The following PPP6R2 variants were observed in gnomAD, a reference collection of about 807,000 sequenced individuals.
PPP6R2 encodes serine/threonine-protein phosphatase 6 regulatory subunit 2.
A neutral mutation model predicts 100.2 loss-of-function variants in PPP6R2; 62 were observed. The observed-to-expected ratio is 0.62, with a 90% confidence interval of 0.50 to 0.76. The LOEUF (loss-of-function observed/expected upper bound fraction) is 0.76, where lower values mean the gene tolerates loss of function less well. Among genes scored for constraint, PPP6R2 ranks in the 30% least tolerant of loss-of-function variants. The pLI is 0.00. For synonymous variants in PPP6R2, 525 were observed against 514.7 expected (o/e 1.02, Z -0.27); for missense variants, 1,142 against 1,276.3 (o/e 0.89, Z 1.60).
intron 2 of PPP6R2, among the ~76,000 whole-genome samples, chr22:50,384,517 T>C (rs1292975801): frequency 1.3e-5 from 2 of 152,132 alleles, no homozygotes; most frequent in Non-Finnish European, 2.9e-5. Context: ...ATCGCGCCAC[T>C]GCACTCCAGT....
At chr22:50,359,154 C>T (rs2047253996) in intron 1 of PPP6R2, among the ~76,000 whole-genome samples, 1 of 151,814 alleles carries the variant, frequency 6.6e-6, no homozygotes, top group Admixed American at 6.6e-5. Context: ...CACCAGCCAC[C>T]ACGCCCAGCT....
At position 50,419,332 on chromosome 22, in the gene PPP6R2, C is replaced by G. The variant is rs746254770; in HGVS notation, c.732-17C>G. 1.1e-4 allele frequency: 184 copies of G among 1,606,314 alleles called. No individual in the cohort carries two copies. Among genetic ancestry groups the G allele is most frequent in the East Asian group, 3.8e-4 (17 of 44,826 alleles). ...TGTCTGCTCTGCCAGGCAGTGACCT[C>G]TGTGTGTGTCCAGCAGGCAGGACTG... On this transcript the variant is annotated splice_polypyrimidine_tract_variant and intron_variant, in intron 7 of 23. Transcript: ENST00000612753.
chr22:50,338,036 T>TGG, the PPP6R2 span, among the ~76,000 whole-genome samples: 3 of 132,580 alleles, frequency 2.3e-5, no homozygotes, highest in South Asian at 2.5e-4. Context: ...TGTGGTGTGT[T>TGG]TGTGTATGTG....
intron 2 of PPP6R2, among the ~76,000 whole-genome samples, chr22:50,380,685 C>G (rs544900115): frequency 6.0e-5 from 9 of 149,864 alleles, no homozygotes; most frequent in Non-Finnish European, 1.2e-4. Flanking sequence ...AACCAGTTCT[C>G]TTGGGAACTA....
intron 9 of PPP6R2, among the ~76,000 whole-genome samples, 173 bp downstream of exon 9, chr22:50,422,553 C>T (rs1243585481): frequency 6.6e-6 from 1 of 152,214 alleles, no homozygotes. Flanking sequence ...TGCCAAAACA[C>T]ATTTTCAGGA....
chr22:50,414,709 C>G lies in PPP6R2; in HGVS notation c.552+20C>G, dbSNP rs748142899. 1.6e-5 allele frequency: 26 copies of G among 1,607,364 alleles called. No individual in the cohort carries two copies. Among genetic ancestry groups the G allele is most frequent in the African/African-American group, 5.3e-5 (4 of 74,794 alleles). Reference sequence around the variant, plus strand: ...CTGCACGTGAGTGCGGGAGTCCCCCCCCGTTCCCGAGGGCAGGGGTGCTGC... The same window carrying G: ...CTGCACGTGAGTGCGGGAGTCCCCCGCCGTTCCCGAGGGCAGGGGTGCTGC... On this transcript the variant is annotated intron_variant, in intron 5 of 23. Coordinates refer to ENST00000612753, the MANE Select transcript of PPP6R2 (RefSeq NM_001242898.2).
At chr22:50,379,697 T>C (rs1176927892) in intron 2 of PPP6R2, among the ~76,000 whole-genome samples, 2 of 152,036 alleles carry the variant, frequency 1.3e-5, no homozygotes, top group Non-Finnish European at 2.9e-5. Flanking sequence ...CTGGGCCACA[T>C]AGGGAGACCT....
chr22:50,337,164 TGTG>T, the PPP6R2 span, among the ~76,000 whole-genome samples: 36 of 146,730 alleles, frequency 2.5e-4, no homozygotes, highest in Non-Finnish European at 4.0e-4. Flanking sequence ...GTGTGTGCGA[TGTG>T]TGGTGTGTGT....
In PPP6R2 at chr22:50,414,623, T is replaced by A; in HGVS notation, c.486T>A (p.Leu162=). ...LVLKHIGTSA[L]MDLLLRLVSC... ...TGAAGCACATCGGCACCTCAGCGCT[T>A]ATGGACCTGCTGCTGCGCCTGGTCA... The change falls in exon 5 of 24, where the codon CTT becomes CTA. Residue 162 remains leucine (L), a synonymous_variant. Transcript: ENST00000612753. The A allele has an allele frequency of 2.5e-6, 4 of 1,613,750 alleles. No homozygotes were observed. The highest frequency in any genetic ancestry group is 3.4e-6 in the Non-Finnish European group (4 of 1,179,940).
chr22:50,395,148 C>G (rs528677482), intron 3 of PPP6R2, among the ~76,000 whole-genome samples: 1 of 152,250 alleles, frequency 6.6e-6, no homozygotes, highest in African/African-American at 2.4e-5. Context: ...CAGTATCTGA[C>G]CTACAGTCCT....
rs368268577 is a variant in PPP6R2, at chr22:50,436,503, C to T, written c.1602+51C>T. 6.0e-5 allele frequency: 91 copies of T among 1,522,282 alleles called. 1 individual carries two copies. The South Asian group carries it at 7.5e-4, about 13-fold the overall frequency. 94.3% of individuals were successfully genotyped at this position (1,522,282 alleles called of 1,614,324 possible). On this transcript the variant is annotated intron_variant, in intron 14 of 23. Coordinates refer to ENST00000612753, the MANE Select transcript of PPP6R2 (RefSeq NM_001242898.2). Reference sequence around the variant, plus strand: ...CGGTGCACGCACGGTGCTGGGACGCCGTCAGACGCTCCTGCCTTTGCCCTG... The same window carrying T: ...CGGTGCACGCACGGTGCTGGGACGCTGTCAGACGCTCCTGCCTTTGCCCTG...
intron 12 of PPP6R2, 74 bp from the exon 13 acceptor site, chr22:50,434,892 A>G (rs2063878582): frequency 1.5e-6 from 2 of 1,373,436 alleles, no homozygotes; most frequent in African/African-American, 2.9e-5. Flanking sequence ...GGCCTCTGCC[A>G]CTTGGCTCTC....
At chr22:50,376,909 C>T (rs1385686526) in intron 2 of PPP6R2, among the ~76,000 whole-genome samples, 2 of 152,026 alleles carry the variant, frequency 1.3e-5, no homozygotes, top group Non-Finnish European at 2.9e-5. Flanking sequence ...CGCCTGTAGT[C>T]CCAGCTACTC....
At chr22:50,437,101 G>T in intron 15 of PPP6R2, 33 bp downstream of exon 15, 1 of 1,528,328 alleles carries the variant, frequency 6.5e-7, no homozygotes, top group Non-Finnish European at 8.9e-7. Flanking sequence ...CACCCTGCCG[G>T]GCCCTTCCCG....
At chr22:50,367,194 A>G (rs2048938646) in intron 1 of PPP6R2, among the ~76,000 whole-genome samples, 3 of 151,966 alleles carry the variant, frequency 2.0e-5, no homozygotes, top group African/African-American at 7.2e-5. Flanking sequence ...ATGCCTGGAC[A>G]GGGGAGCGGG....
chr22:50,374,303 C>T (rs1032930804), intron 2 of PPP6R2, among the ~76,000 whole-genome samples: 3 of 152,088 alleles, frequency 2.0e-5, no homozygotes, highest in Non-Finnish European at 4.4e-5. Context: ...CCGCTGCCCT[C>T]CAGCCTGGGT....
chr22:50,351,029 T>TGG (rs2045027303), intron 1 of PPP6R2, among the ~76,000 whole-genome samples: 1 of 101,592 alleles, frequency 9.8e-6, no homozygotes, highest in Admixed American at 1.1e-4. Context: ...CAACAGTGTT[T>TGG]TTTTTTTTTT....
chr22:50,357,412 CTTCTT>C (rs1478859284), intron 1 of PPP6R2, among the ~76,000 whole-genome samples: 1 of 151,636 alleles, frequency 6.6e-6, no homozygotes, highest in Non-Finnish European at 1.5e-5. Flanking sequence ...CTCCATCCCT[CTTCTT>C]TCTTTTCTTT....
chr22:50,338,869 T>A (rs1175633807), upstream of PPP6R2, among the ~76,000 whole-genome samples: 1 of 137,758 alleles, frequency 7.3e-6, no homozygotes, highest in East Asian at 2.2e-4. Context: ...ATGTGTGTGG[T>A]ATGTAGTGTG....
Sources: allele counts gnomAD v4.1 joint callset (sites outside exome capture counted in the v4.1 genomes callset), GRCh38; gene constraint gnomAD v4.1.1; transcripts MANE v1.5; gene names NCBI Gene and HGNC (gene_info 2026-07-23, HGNC 2026-07-21).